KIAA1958: variants seen among roughly 807,000 people sequenced by gnomAD.
KIAA1958 encodes KIAA1958.
A neutral mutation model predicts 47.2 loss-of-function variants in KIAA1958; 14 were observed. The ratio of observed to expected loss-of-function variants is 0.30; its 90% CI spans 0.20 to 0.46. The LOEUF (loss-of-function observed/expected upper bound fraction) is 0.46. Ranked by LOEUF, KIAA1958 falls within the 20% of genes least tolerant of loss-of-function variation. The probability of loss-of-function intolerance (pLI) is 1.00; values close to 1 mark genes in which losing one functional copy is unlikely to be tolerated. For synonymous variants in KIAA1958, 354 were observed against 353.3 expected (o/e 1.00, Z -0.02); for missense variants, 803 against 909.2 (o/e 0.88, Z 1.50).
intron 1 of KIAA1958, among the ~76,000 whole-genome samples, chr9:112,509,499 C>A (rs1187470620): frequency 6.6e-6 from 1 of 152,138 alleles, no homozygotes; most frequent in African/African-American, 2.4e-5. Context: ...CTGAAGGTGT[C>A]CAAATGAGGA....
In KIAA1958 at chr9:112,575,155, C is replaced by T. The variant is rs866716745; in HGVS notation, c.1075C>T (p.Pro359Ser). 1 of 1,600,570 alleles carries T rather than the reference C, an allele frequency of 6.2e-7. No individual in the cohort carries two copies. The highest frequency in any genetic ancestry group is 2.2e-5 in the East Asian group (1 of 44,880). ...QVSSCEVALS[P>S]SVNTEPEVSS... ...CTCCTCCTGTGAGGTAGCCCTTTCT[C>T]CCTCAGTTAACACAGAGCCAGAAGT... The change falls in exon 2 of 4, where the codon CCC (proline) becomes TCC (serine). Residue 359 changes from proline (P) to serine (S), a missense_variant. Physicochemically the swap from Pro to Ser is moderately conservative, Grantham distance 74. This residue lies in a region of KIAA1958 where 761 missense variants were observed against 829.3 expected (regional missense o/e 0.92). Coordinates refer to ENST00000337530, the MANE Select transcript of KIAA1958 (RefSeq NM_133465.4).
chr9:112,570,648 A>G (rs1835515969), intron 1 of KIAA1958, among the ~76,000 whole-genome samples: 2 of 152,252 alleles, frequency 1.3e-5, no homozygotes, highest in Non-Finnish European at 2.9e-5. Context: ...TAAGGAATAC[A>G]GTAAGAAGGA....
chr9:112,642,443 C>T (rs1836906760), intron 2 of KIAA1958, among the ~76,000 whole-genome samples: 1 of 152,246 alleles, frequency 6.6e-6, no homozygotes, highest in Admixed American at 6.5e-5. Context: ...TTACCAGAGG[C>T]AGTGCTCCCT....
In KIAA1958 at chr9:112,639,557, A is replaced by G. The variant is rs1051264196; in HGVS notation, c.1172-6093A>G. Among the ~76,000 whole-genome samples, 26 of 152,122 alleles carry G rather than the reference A, an allele frequency of 1.7e-4. No individual in the cohort carries two copies. The East Asian group carries it at 3.9e-3, about 23-fold the overall frequency. ...GACTCTTCACACAGGGCCTCTCCCC[A>G]TGCCTCCCCCTGCTGCATGGATGCC... On this transcript the variant is annotated intron_variant, in intron 2 of 3. Coordinates refer to ENST00000337530, the MANE Select transcript of KIAA1958 (RefSeq NM_133465.4).
chr9:112,596,524 G>C (rs1451154477), intron 2 of KIAA1958, among the ~76,000 whole-genome samples: 1 of 152,104 alleles, frequency 6.6e-6, no homozygotes, highest in Non-Finnish European at 1.5e-5. Flanking sequence ...AATGAGTATA[G>C]AATGCTAATC....
At chr9:112,610,384 G>GA (rs569706886) in intron 2 of KIAA1958, among the ~76,000 whole-genome samples, 1 of 151,922 alleles carries the variant, frequency 6.6e-6, no homozygotes, top group Non-Finnish European at 1.5e-5. Context: ...TAGAACCAAT[G>GA]AAAAAATATC....
chr9:112,519,387 T>G (rs1834498417), intron 1 of KIAA1958, among the ~76,000 whole-genome samples: 1 of 152,208 alleles, frequency 6.6e-6, no homozygotes, highest in Non-Finnish European at 1.5e-5. Flanking sequence ...TCAAACTGTT[T>G]TCAGGGTCCG....
intron 1 of KIAA1958, among the ~76,000 whole-genome samples, chr9:112,496,346 A>G (rs1834051544): frequency 6.6e-6 from 1 of 152,212 alleles, no homozygotes; most frequent in African/African-American, 2.4e-5. Flanking sequence ...GCCTGCATGT[A>G]TAGAAAGTCC....
At chr9:112,621,083 G>T (rs760501418) in intron 2 of KIAA1958, among the ~76,000 whole-genome samples, 3 of 152,110 alleles carry the variant, frequency 2.0e-5, no homozygotes, top group Non-Finnish European at 4.4e-5. Context: ...AAGTTTCTCA[G>T]TACCAGCTCA....
chr9:112,509,403 G>A (rs1834286618), intron 1 of KIAA1958, among the ~76,000 whole-genome samples: 1 of 151,692 alleles, frequency 6.6e-6, no homozygotes, highest in African/African-American at 2.4e-5. Flanking sequence ...GTTTCACCAT[G>A]TTGGTCAGGC....
chr9:112,647,422 A>G (rs1273642089), intron 3 of KIAA1958, among the ~76,000 whole-genome samples: 1 of 152,108 alleles, frequency 6.6e-6, no homozygotes, highest in African/African-American at 2.4e-5. Context: ...GTTTTTTTGC[A>G]GATTCAGAGC....
chr9:112,656,943 A>C (rs1307403381), intron 3 of KIAA1958, among the ~76,000 whole-genome samples: 1 of 152,134 alleles, frequency 6.6e-6, no homozygotes, highest in Admixed American at 6.6e-5. Context: ...ATTTAGGTGT[A>C]TACACACTTC....
At chr9:112,650,234 C>G (rs796473202) in intron 3 of KIAA1958, among the ~76,000 whole-genome samples, 2 of 152,082 alleles carry the variant, frequency 1.3e-5, no homozygotes, top group African/African-American at 4.8e-5. Context: ...ACTAAAAGAC[C>G]TACACAACAA....
At chr9:112,654,744 A>C (rs1312987487) in intron 3 of KIAA1958, among the ~76,000 whole-genome samples, 2 of 151,814 alleles carry the variant, frequency 1.3e-5, no homozygotes, top group South Asian at 4.2e-4. Context: ...TGCAATGGTT[A>C]CTGGCAAGTT....
At chr9:112,535,669 A>C (rs1357971778) in intron 1 of KIAA1958, among the ~76,000 whole-genome samples, 2 of 152,132 alleles carry the variant, frequency 1.3e-5, no homozygotes, top group Non-Finnish European at 2.9e-5. Flanking sequence ...CATAATGGCT[A>C]TACCAATTTG....
intron 2 of KIAA1958, among the ~76,000 whole-genome samples, chr9:112,637,915 G>A (rs529371841): frequency 6.6e-5 from 10 of 152,066 alleles, no homozygotes; most frequent in South Asian, 4.2e-4. Context: ...TTGGGAGGCC[G>A]AGGAGGGTGG....
chr9:112,578,812 G>A (rs1238355766), intron 2 of KIAA1958, among the ~76,000 whole-genome samples: 1 of 152,016 alleles, frequency 6.6e-6, no homozygotes, highest in Admixed American at 6.5e-5. Flanking sequence ...GAGGTTTTAT[G>A]TAAATTTGGG....
intron 1 of KIAA1958, among the ~76,000 whole-genome samples, chr9:112,559,908 A>G (rs181184096): frequency 1.3e-5 from 2 of 152,292 alleles, no homozygotes; most frequent in Admixed American, 1.3e-4. Flanking sequence ...ATGGGGAACA[A>G]TTTTAGTGAG....
chr9:112,501,037 T>C (rs970827864), intron 1 of KIAA1958, among the ~76,000 whole-genome samples: 2 of 151,386 alleles, frequency 1.3e-5, no homozygotes, highest in African/African-American at 4.9e-5. Flanking sequence ...AGTGGGAGGA[T>C]CTCTTGAGCC....
Sources: allele counts gnomAD v4.1 joint callset (sites outside exome capture counted in the v4.1 genomes callset), GRCh38; gene constraint gnomAD v4.1.1; regional missense constraint gnomAD v4.1.1; transcripts MANE v1.5; gene names NCBI Gene and HGNC (gene_info 2026-07-23, HGNC 2026-07-21).